Variants in IMMP2L observed in about 807,000 individuals in gnomAD.
IMMP2L encodes the protein mitochondrial inner membrane protease subunit 2.
IMMP2L carries 18 observed loss-of-function variants against 19.3 expected under a neutral mutation model. The ratio of observed to expected loss-of-function variants is 0.93; its 90% CI spans 0.64 to 1.38. The LOEUF (loss-of-function observed/expected upper bound fraction) is 1.38. Ranked by LOEUF, IMMP2L falls within the 40% of genes most tolerant of loss-of-function variation. IMMP2L has a pLI of 0.00. For missense variants in IMMP2L, 233 were observed against 218.2 expected, an observed-to-expected ratio of 1.07 and a Z score of -0.43; for synonymous variants, 76 against 73.0, an observed-to-expected ratio of 1.04 and a Z score of -0.21.
intron 3 of IMMP2L, among the ~76,000 whole-genome samples, chr7:111,374,261 C>A (rs1297388686): frequency 2.0e-5 from 3 of 152,020 alleles, no homozygotes; most frequent in Non-Finnish European, 2.9e-5. Context: ...AGTCAATATT[C>A]ATGTAATAAA....
chr7:110,990,843 T>C (rs1218974211), intron 3 of IMMP2L, among the ~76,000 whole-genome samples: 1 of 152,218 alleles, frequency 6.6e-6, no homozygotes. Context: ...TAGACCTAAC[T>C]GTACTGTCCT....
intron 3 of IMMP2L, among the ~76,000 whole-genome samples, chr7:111,238,520 A>G (rs545294225): frequency 6.6e-6 from 1 of 152,130 alleles, no homozygotes; most frequent in Admixed American, 6.6e-5. Flanking sequence ...AAGGTTATAG[A>G]GATGGATTTT....
At chr7:111,554,383 A>G (rs932713587) in intron 1 of IMMP2L, among the ~76,000 whole-genome samples, 1 of 152,140 alleles carries the variant, frequency 6.6e-6, no homozygotes, top group Non-Finnish European at 1.5e-5. Context: ...AAGAAAGGGA[A>G]GATGAGAAAC....
At chr7:110,819,146 T>C (rs1802808781) in intron 5 of IMMP2L, among the ~76,000 whole-genome samples, 2 of 151,948 alleles carry the variant, frequency 1.3e-5, no homozygotes, top group African/African-American at 4.8e-5. Context: ...AAATCAGTTC[T>C]GACTGGAGAA....
chr7:110,812,300 T>C (rs942021685), intron 5 of IMMP2L, among the ~76,000 whole-genome samples: 1 of 151,530 alleles, frequency 6.6e-6, no homozygotes, highest in African/African-American at 2.4e-5. Flanking sequence ...TAGCAGACTA[T>C]GAGGGTAGAA....
chr7:111,329,446 G>A (rs1563065917), intron 3 of IMMP2L, among the ~76,000 whole-genome samples: 1 of 151,842 alleles, frequency 6.6e-6, no homozygotes, highest in Non-Finnish European at 1.5e-5. Flanking sequence ...AGCAGTTCAG[G>A]AGAAACTACA....
At position 111,213,907 on chromosome 7, in the gene IMMP2L, G is replaced by A. The variant is rs1298667404; in HGVS notation, c.240-250342C>T. Among the ~76,000 whole-genome samples, 1 of 151,958 alleles carries A rather than the reference G, an allele frequency of 6.6e-6. No individual in the cohort carries two copies. On this transcript the variant is annotated intron_variant, in intron 3 of 5. Transcript: ENST00000405709. This position sits in a 1 kb window ranked among gnomAD's most constrained non-coding sequence, Gnocchi z 4.8. ...TGACAGTCCTACAAATGTACCCCCT[G>A]TATCTAAGATAAAAGGTGATTTAAA...
chr7:111,430,385 T>A, intron 3 of IMMP2L, among the ~76,000 whole-genome samples: 1 of 151,764 alleles, frequency 6.6e-6, no homozygotes, highest in East Asian at 1.9e-4. Flanking sequence ...TATAAATTTA[T>A]ACATTTTTAG....
intron 3 of IMMP2L, among the ~76,000 whole-genome samples, chr7:111,207,498 G>A (rs548780696): frequency 6.7e-6 from 1 of 149,938 alleles, no homozygotes; most frequent in African/African-American, 2.5e-5. Context: ...AAAGATAGAG[G>A]CTTGCTTTCT....
chr7:111,446,366 A>C (rs6960070), intron 3 of IMMP2L, among the ~76,000 whole-genome samples: 3 of 135,736 alleles, frequency 2.2e-5, no homozygotes, highest in Non-Finnish European at 3.1e-5. Context: ...ATCTGAGAAC[A>C]GGCAGACTGC....
intron 3 of IMMP2L, among the ~76,000 whole-genome samples, chr7:111,480,316 G>A (rs1038838144): frequency 6.6e-6 from 1 of 151,758 alleles, no homozygotes; most frequent in African/African-American, 2.4e-5. Context: ...TCCTGACCTC[G>A]TGATCCACCT....
At chr7:110,796,389 C>T (rs561895671) in intron 5 of IMMP2L, among the ~76,000 whole-genome samples, 9 of 152,136 alleles carry the variant, frequency 5.9e-5, no homozygotes, top group Middle Eastern at 3.4e-3. Context: ...CTTGCTTCCT[C>T]GCCCAGTGCC....
chr7:110,986,943 G>T (rs1438226803), intron 3 of IMMP2L, among the ~76,000 whole-genome samples: 2 of 151,892 alleles, frequency 1.3e-5, no homozygotes, highest in African/African-American at 4.8e-5. Context: ...TTTTCCTGAG[G>T]TAAGATAAAG....
At chr7:111,230,937 TG>T (rs1813641638) in intron 3 of IMMP2L, among the ~76,000 whole-genome samples, 1 of 151,780 alleles carries the variant, frequency 6.6e-6, no homozygotes, top group South Asian at 2.1e-4. Context: ...AACTAATGAA[TG>T]GGTGCAAATT....
chr7:110,776,750 A>G lies in IMMP2L; in HGVS notation c.408+109843T>C, dbSNP rs548858519. Among the ~76,000 whole-genome samples, 97 of 152,166 alleles carry G rather than the reference A, an allele frequency of 6.4e-4. No individual in the cohort carries two copies. The Middle Eastern group carries it at 0.014, about 21-fold the overall frequency. On this transcript the variant is annotated intron_variant, in intron 5 of 5. Coordinates refer to ENST00000405709, the MANE Select transcript of IMMP2L (RefSeq NM_032549.4). ...CTAGAAAGTACCAATATTTCTTTTG[A>G]AAGCCTGACGACTATAAAACTCAGC...
chr7:111,077,192 C>G (rs895633071), intron 3 of IMMP2L, among the ~76,000 whole-genome samples: 1 of 152,216 alleles, frequency 6.6e-6, no homozygotes, highest in Non-Finnish European at 1.5e-5. Context: ...TTTCTTGTTA[C>G]AAATCTGAAT....
chr7:111,328,108 A>G (rs1224689780), intron 3 of IMMP2L, among the ~76,000 whole-genome samples: 1 of 151,732 alleles, frequency 6.6e-6, no homozygotes, highest in Non-Finnish European at 1.5e-5. Flanking sequence ...CAAAGATCCA[A>G]TCTTACTCAG....
chr7:111,299,940 T>C (rs1473772623), intron 3 of IMMP2L, among the ~76,000 whole-genome samples: 1 of 152,170 alleles, frequency 6.6e-6, no homozygotes, highest in Non-Finnish European at 1.5e-5. Context: ...GTAAGGAAAG[T>C]AATTATTTCA....
intron 3 of IMMP2L, among the ~76,000 whole-genome samples, chr7:111,287,193 A>G (rs1820582033): frequency 6.6e-6 from 1 of 152,198 alleles, no homozygotes; most frequent in Non-Finnish European, 1.5e-5. Flanking sequence ...TGATACCAGC[A>G]TAAGAAACAA....
Sources: gnomAD v4.1 joint callset for allele counts (sites outside exome capture counted in the v4.1 genomes callset) on GRCh38, gnomAD v4.1.1 for gene constraint, Gnocchi (gnomAD v3.1) non-coding constraint, MANE v1.5 for transcripts, NCBI Gene and HGNC (gene_info 2026-07-23, HGNC 2026-07-21) for gene names.